The following MAN1A1 variants were observed in gnomAD, a reference collection of about 807,000 sequenced individuals.
MAN1A1 encodes mannosyl-oligosaccharide 1,2-alpha-mannosidase IA.
A neutral mutation model predicts 70.8 loss-of-function variants in MAN1A1; 29 were observed. The observed-to-expected ratio is 0.41, with a 90% CI of 0.31 to 0.56. MAN1A1 has a LOEUF of 0.56. MAN1A1 is among the 20% of genes least tolerant of loss of function. The pLI is 0.29. For missense variants in MAN1A1, 747 were observed against 841.3 expected (o/e 0.89, Z 1.39); for synonymous variants, 349 against 330.1 (o/e 1.06, Z -0.62).
intron 6 of MAN1A1, among the ~76,000 whole-genome samples, chr6:119,222,222 A>G (rs1490932276): frequency 6.6e-6 from 1 of 152,154 alleles, no homozygotes; most frequent in East Asian, 1.9e-4. Flanking sequence ...TTTGGCTAAT[A>G]TAAAACGTAT....
At position 119,297,616 on chromosome 6, in the gene MAN1A1, T is replaced by C. The variant is rs17052761; in HGVS notation, c.816+4372A>G. Reference sequence around the variant, plus strand: ...TTAACCACCTATTCATCTATAAATATAGGGAAAAATACCAGTTACTACTCT... The same window carrying C: ...TTAACCACCTATTCATCTATAAATACAGGGAAAAATACCAGTTACTACTCT... On this transcript the variant is annotated intron_variant, in intron 4 of 12. Coordinates refer to ENST00000368468, the MANE Select transcript of MAN1A1 (RefSeq NM_005907.4). Among the ~76,000 whole-genome samples, 899 of 151,778 alleles carry C rather than the reference T, an allele frequency of 5.9e-3. 31 individuals carry two copies. In the East Asian group the frequency reaches 0.091, roughly 15 times the overall value.
In MAN1A1 at chr6:119,269,213, C is replaced by A. The variant is rs114095481; in HGVS notation, c.898-20859G>T. 444 of 241,158 alleles carry A rather than the reference C, an allele frequency of 1.8e-3. 1 individual carries two copies. Among genetic ancestry groups the A allele is most frequent in the African/African-American group, 0.01 (428 of 42,530 alleles). The allele number at this position is 241,158 out of a possible 1,614,324, so 14.9% of individuals were successfully genotyped here. A position where few individuals can be genotyped will look rare whatever the true frequency, so the allele number is the denominator to read the frequency against. On this transcript the variant is annotated intron_variant, in intron 5 of 12. Coordinates refer to ENST00000368468, the MANE Select transcript of MAN1A1 (RefSeq NM_005907.4). Reference sequence around the variant, plus strand: ...CATTCTTTTGGGCCTGTTTACATAGCCTCATAAGCTGCTTTTCTTCCAATA... The same window carrying A: ...CATTCTTTTGGGCCTGTTTACATAGACTCATAAGCTGCTTTTCTTCCAATA...
At chr6:119,341,318 G>A (rs895969640) in intron 2 of MAN1A1, among the ~76,000 whole-genome samples, 2 of 152,136 alleles carry the variant, frequency 1.3e-5, no homozygotes, top group Non-Finnish European at 2.9e-5. Flanking sequence ...GGTCTCAGTG[G>A]GGCTTCTGGC....
At chr6:119,345,118 T>C (rs1295028938) in intron 2 of MAN1A1, among the ~76,000 whole-genome samples, 3 of 147,868 alleles carry the variant, frequency 2.0e-5, no homozygotes, top group Non-Finnish European at 4.5e-5. Context: ...AAAAAAAAAG[T>C]CATCCTCCAA....
At chr6:119,213,528 G>A (rs1045189404) in intron 6 of MAN1A1, among the ~76,000 whole-genome samples, 1 of 152,214 alleles carries the variant, frequency 6.6e-6, no homozygotes, top group African/African-American at 2.4e-5. Context: ...CGAAGTCAAT[G>A]TGTACCCTGT....
intron 2 of MAN1A1, among the ~76,000 whole-genome samples, chr6:119,328,648 AAAGAT>A (rs1371688382): frequency 2.0e-5 from 3 of 152,246 alleles, no homozygotes; most frequent in Non-Finnish European, 2.9e-5. Context: ...TAGGATTTCA[AAAGAT>A]AAGACCTGAT....
chr6:119,283,246 A>G (rs749134412), intron 5 of MAN1A1, among the ~76,000 whole-genome samples: 9 of 152,196 alleles, frequency 5.9e-5, no homozygotes, highest in Non-Finnish European at 4.4e-5. Flanking sequence ...GCTTATTTAT[A>G]TTATCCATGT....
At chr6:119,293,297 T>C (rs772311681) in intron 4 of MAN1A1, among the ~76,000 whole-genome samples, 12 of 152,100 alleles carry the variant, frequency 7.9e-5, no homozygotes, top group Non-Finnish European at 1.5e-4. Context: ...CAACCAGTTA[T>C]TGATCCAATT....
intron 6 of MAN1A1, among the ~76,000 whole-genome samples, chr6:119,229,906 T>A (rs893791921): frequency 6.6e-6 from 1 of 152,234 alleles, no homozygotes; most frequent in Non-Finnish European, 1.5e-5. Context: ...ATTCTTTTTT[T>A]AAAGTTATTT....
At chr6:119,228,274 T>C (rs1413542434) in intron 6 of MAN1A1, among the ~76,000 whole-genome samples, 1 of 152,214 alleles carries the variant, frequency 6.6e-6, no homozygotes, top group African/African-American at 2.4e-5. Context: ...TGTGATTAAC[T>C]TCACTCCAAC....
At chr6:119,279,420 T>A (rs1582761945) in intron 5 of MAN1A1, among the ~76,000 whole-genome samples, 1 of 152,236 alleles carries the variant, frequency 6.6e-6, no homozygotes. Flanking sequence ...GCCTTCTCCA[T>A]GCTTGTACCT....
At chr6:119,315,036 T>A (rs1447508047) in intron 2 of MAN1A1, among the ~76,000 whole-genome samples, 1 of 152,210 alleles carries the variant, frequency 6.6e-6, no homozygotes, top group Non-Finnish European at 1.5e-5. Flanking sequence ...CCACGGGAGC[T>A]AATGTGGACC....
intron 9 of MAN1A1, among the ~76,000 whole-genome samples, chr6:119,192,243 A>G (rs1193007003): frequency 6.6e-6 from 1 of 152,204 alleles, no homozygotes; most frequent in Non-Finnish European, 1.5e-5. Context: ...AGAGGATGAC[A>G]GAATGGAAAC....
intron 5 of MAN1A1, among the ~76,000 whole-genome samples, chr6:119,279,889 C>G (rs1002983627): frequency 6.6e-6 from 1 of 152,194 alleles, no homozygotes; most frequent in Non-Finnish European, 1.5e-5. Context: ...TACTGAAGTA[C>G]CCTCCATAAA....
chr6:119,219,922 T>C (rs1255225614), intron 6 of MAN1A1, among the ~76,000 whole-genome samples: 1 of 142,540 alleles, frequency 7.0e-6, no homozygotes, highest in Non-Finnish European at 1.5e-5. Context: ...GCTAGGAAAA[T>C]CTTGTCTGGT....
At chr6:119,238,095 T>C (rs1010890458) in intron 6 of MAN1A1, among the ~76,000 whole-genome samples, 1 of 152,208 alleles carries the variant, frequency 6.6e-6, no homozygotes. Context: ...TTAAAAATTA[T>C]GGCAAATATG....
intron 6 of MAN1A1, among the ~76,000 whole-genome samples, chr6:119,225,425 G>GAGGAGGGGA (rs1774485269): frequency 6.6e-6 from 1 of 150,944 alleles, no homozygotes; most frequent in Admixed American, 6.6e-5. Context: ...GAAAGAGAAG[G>GAGGAGGGGA]AGGAGGAGAA....
chr6:119,213,485 A>C (rs1287706805), intron 6 of MAN1A1, among the ~76,000 whole-genome samples: 1 of 152,232 alleles, frequency 6.6e-6, no homozygotes, highest in African/African-American at 2.4e-5. Context: ...ATAAAGATAG[A>C]TAATCTTTTC....
chr6:119,349,606 C>T lies in MAN1A1; in HGVS notation c.-287G>A. 1.0e-6 allele frequency: 1 copy of T among 985,980 alleles called. No individual in the cohort carries two copies. Among genetic ancestry groups the T allele is most frequent in the Non-Finnish European group, 1.2e-6 (1 of 830,050 alleles). 61.1% of individuals were successfully genotyped at this position (985,980 alleles called of 1,614,324 possible). ...CAACTTCGCCCGCTCCCCATCTCCG[C>T]GCTGAGACTGCTGCCTCTTTCCTAG... On this transcript the variant is annotated 5_prime_UTR_variant, in exon 1 of 13. Transcript: ENST00000368468.
Sources: gnomAD v4.1 joint callset for allele counts (sites outside exome capture counted in the v4.1 genomes callset) on GRCh38, gnomAD v4.1.1 for gene constraint, MANE v1.5 for transcripts, NCBI Gene and HGNC (gene_info 2026-07-23, HGNC 2026-07-21) for gene names.